SPTBN4: variants seen among roughly 807,000 people sequenced by gnomAD.
The protein encoded by SPTBN4 is spectrin beta, non-erythrocytic 4.
SPTBN4 carries 96 observed loss-of-function variants against 277.8 expected under a neutral mutation model. That is an observed-to-expected ratio of 0.35 (90% confidence interval 0.29 to 0.41). The LOEUF is 0.41. Among genes scored for constraint, SPTBN4 ranks in the 10% least tolerant of loss-of-function variants. The pLI, the probability that SPTBN4 is intolerant of heterozygous loss-of-function variation, is 1.00. For missense variants in SPTBN4, 3,006 were observed against 3,595.7 expected (o/e 0.84, Z 4.19); for synonymous variants, 1,481 against 1,580.3 (o/e 0.94, Z 1.49).
Position 40,506,217 on chromosome 19 carries a change from G to A in SPTBN4, c.1666-19G>A. On this transcript the variant is annotated intron_variant, in intron 12 of 35. Transcript: ENST00000598249. ...CAGGGCAGTGCCAGAGGTGTGCTCA[G>A]TGCTGTCCCCGCTTGTAGGCTCAGC... The A allele has an allele frequency of 6.2e-7, 1 of 1,603,128 alleles. No individual in the cohort carries two copies. Among genetic ancestry groups the A allele is most frequent in the Non-Finnish European group, 8.5e-7 (1 of 1,174,058 alleles).
In SPTBN4 at chr19:40,557,004, C is replaced by G. The variant is rs571213140; in HGVS notation, c.5290-19C>G. The G allele has an allele frequency of 2.3e-5, 35 of 1,528,194 alleles. No homozygotes were observed. In the East Asian group the frequency reaches 5.5e-4, roughly 24 times the overall value. 94.7% of individuals were successfully genotyped at this position (1,528,194 alleles called of 1,614,324 possible). A position where few individuals can be genotyped will look rare whatever the true frequency, so the allele number is the denominator to read the frequency against. On this transcript the variant is annotated intron_variant, in intron 25 of 35. Transcript: ENST00000598249. ...TTTGCTCACTTTGCTGTACCCCCCC[C>G]CCCACTTCCTGATGGCAGGTGCTGC...
chr19:40,514,795 G>A (rs2080435172), intron 14 of SPTBN4, among the ~76,000 whole-genome samples: 1 of 152,160 alleles, frequency 6.6e-6, no homozygotes. Flanking sequence ...TTGCTGCTGA[G>A]GAATCTCACA....
intron 22 of SPTBN4, among the ~76,000 whole-genome samples, chr19:40,550,748 G>A: frequency 6.6e-6 from 1 of 152,030 alleles, no homozygotes. Flanking sequence ...CGAACTCCTG[G>A]CCTCAAGTGA....
intron 17 of SPTBN4, among the ~76,000 whole-genome samples, chr19:40,526,878 C>A (rs960894499): frequency 2.0e-5 from 3 of 152,200 alleles, no homozygotes; most frequent in African/African-American, 4.8e-5. Context: ...CGTGAGCCAT[C>A]GTGCCCGGCC....
At chr19:40,561,378 G>A (rs546560083) in intron 27 of SPTBN4, among the ~76,000 whole-genome samples, 1 of 152,262 alleles carries the variant, frequency 6.6e-6, no homozygotes, top group South Asian at 2.1e-4. Context: ...AGGGACACCT[G>A]GCATTGCTTC....
At chr19:40,565,894 G>T (rs1256443040) in intron 29 of SPTBN4, 149 bp downstream of exon 29, 25 of 957,166 alleles carry the variant, frequency 2.6e-5, no homozygotes, top group Non-Finnish European at 3.7e-5. Flanking sequence ...GGGTGGACAA[G>T]GGGGCTGCCT....
rs763331369 is a variant in SPTBN4 at position 40,568,294 on chromosome 19, G to A, written c.6956+12G>A. 1 of 1,591,480 alleles carries A rather than the reference G, an allele frequency of 6.3e-7. No individual in the cohort carries two copies. Among genetic ancestry groups the A allele is most frequent in the Non-Finnish European group, 8.6e-7 (1 of 1,169,110 alleles). ...GACCTGGTCAAGGGGTGAGGTGCCC[G>A]CCTTATGACCAGAAAGTGAGGGGAG... On this transcript the variant is annotated intron_variant, in intron 31 of 35. Coordinates refer to ENST00000598249, the MANE Select transcript of SPTBN4 (RefSeq NM_020971.3).
chr19:40,533,648 C>G (rs998135956), intron 19 of SPTBN4, among the ~76,000 whole-genome samples: 1 of 152,192 alleles, frequency 6.6e-6, no homozygotes, highest in African/African-American at 2.4e-5. Flanking sequence ...CTCTCCCTGC[C>G]TCTCTGGCTC....
intron 30 of SPTBN4, among the ~76,000 whole-genome samples, chr19:40,567,347 T>C (rs973225803): frequency 7.3e-6 from 1 of 137,286 alleles, no homozygotes; most frequent in Non-Finnish European, 1.6e-5. Context: ...ATAAATAAAG[T>C]CTTAAAGTCC....
chr19:40,513,158 G>A lies in SPTBN4; in HGVS notation c.2369G>A (p.Arg790His), dbSNP rs2080413090. 2.0e-6 allele frequency: 3 copies of A among 1,499,494 alleles called. No individual in the cohort carries two copies. The African/African-American group carries it at 4.4e-5, about 22-fold the overall frequency. The allele number at this position is 1,499,494 out of a possible 1,614,324, so 92.9% of individuals were successfully genotyped here. Residue 790 changes from arginine to histidine, a missense_variant, in exon 14 of 36, where the codon CGC becomes CAC. Arg to His is a conservative substitution (Grantham distance 29). Coordinates refer to ENST00000598249, the MANE Select transcript of SPTBN4 (RefSeq NM_020971.3). ...CTCGACGGGCTGCTGGACTGGCTTC[G>A]CGACGCTTACCGCCTGGCAGCCGCC... ...ADLDGLLDWLRDAYRLAAAGD... is the reference protein window; with the variant it reads ...ADLDGLLDWLHDAYRLAAAGD...
At chr19:40,573,297 G>C (rs2081171209) in intron 35 of SPTBN4, among the ~76,000 whole-genome samples, 1 of 152,100 alleles carries the variant, frequency 6.6e-6, no homozygotes. Flanking sequence ...GGGTGACAGA[G>C]TGAGATTCTG....
At position 40,513,193 on chromosome 19, in the gene SPTBN4, G is replaced by C; in HGVS notation, c.2404G>C (p.Gly802Arg). 6.6e-7 allele frequency: 1 copy of C among 1,504,552 alleles called. No individual in the cohort carries two copies. The highest frequency in any genetic ancestry group is 8.8e-7 in the Non-Finnish European group (1 of 1,135,096). 93.2% of individuals were successfully genotyped at this position (1,504,552 alleles called of 1,614,324 possible). A position where few individuals can be genotyped will look rare whatever the true frequency, so the allele number is the denominator to read the frequency against. Residue 802 changes from glycine to arginine, a missense_variant, in exon 14 of 36, where the codon GGC becomes CGC. Gly to Arg is a moderately radical substitution (Grantham distance 125). Coordinates refer to ENST00000598249, the MANE Select transcript of SPTBN4 (RefSeq NM_020971.3). ...AYRLAAAGDF[G>R]HDEASSRRLA... Reference sequence around the variant, plus strand: ...CCGCCTGGCAGCCGCCGGTGACTTCGGCCACGACGAAGCTTCCAGCCGCCG... The same window carrying C: ...CCGCCTGGCAGCCGCCGGTGACTTCCGCCACGACGAAGCTTCCAGCCGCCG...
chr19:40,547,838 T>C (rs1221612143), intron 20 of SPTBN4, among the ~76,000 whole-genome samples: 1 of 152,200 alleles, frequency 6.6e-6, no homozygotes, highest in East Asian at 1.9e-4. Flanking sequence ...TTTTATGTGA[T>C]CAAATTATAA....
chr19:40,477,549 G>A (rs2079963097), intron 2 of SPTBN4, among the ~76,000 whole-genome samples: 2 of 152,142 alleles, frequency 1.3e-5, no homozygotes, highest in African/African-American at 4.8e-5. Context: ...AGAGGTTGGG[G>A]CTGTTGACAG....
chr19:40,519,857 C>G lies in SPTBN4; in HGVS notation c.3360C>G (p.Asn1120Lys). Residue 1120 changes from asparagine to lysine, a missense_variant, in exon 16 of 36, where the codon AAC (asparagine) becomes AAG (lysine). Transcript: ENST00000598249. This position sits in a 1 kb window ranked among gnomAD's most constrained non-coding sequence, Gnocchi z 5.7. ...AAGGSEGPLP[N>K]SLEEADALLA... ...GCGGCAGCGAGGGGCCCCTGCCCAA[C>G]AGCCTAGAAGAGGCGGACGCGCTGC... The G allele has an allele frequency of 6.8e-7, 1 of 1,464,468 alleles. No homozygotes were observed. Among genetic ancestry groups the G allele is most frequent in the Non-Finnish European group, 8.9e-7 (1 of 1,120,780 alleles). The allele number at this position is 1,464,468 out of a possible 1,614,324, so 90.7% of individuals were successfully genotyped here. A position where few individuals can be genotyped will look rare whatever the true frequency, so the allele number is the denominator to read the frequency against.
intron 32 of SPTBN4, 61 bp from the exon 33 acceptor site, chr19:40,570,375 A>C: frequency 1.6e-6 from 2 of 1,255,286 alleles, no homozygotes; most frequent in Non-Finnish European, 1.1e-6. Flanking sequence ...GACTCCCCCA[A>C]ACAGATGACC....
At chr19:40,507,330 A>T (rs1054986108) in intron 13 of SPTBN4, among the ~76,000 whole-genome samples, 1 of 147,696 alleles carries the variant, frequency 6.8e-6, no homozygotes, top group Non-Finnish European at 1.5e-5. Flanking sequence ...AAAATAAAAT[A>T]AAAAAAAAAA....
intron 16 of SPTBN4, 49 bp downstream of exon 16, chr19:40,520,200 G>A: frequency 7.4e-7 from 1 of 1,347,618 alleles, no homozygotes; most frequent in Non-Finnish European, 9.5e-7. Context: ...CGAGGCCGCG[G>A]GGGGATTGCA....
At chr19:40,489,230 A>AAAGAAAGAT (rs1290555485) in intron 3 of SPTBN4, among the ~76,000 whole-genome samples, 1 of 150,322 alleles carries the variant, frequency 6.7e-6, no homozygotes, top group Non-Finnish European at 1.5e-5. Context: ...AAAAAAAAAA[A>AAAGAAAGAT]AGAAAGAAAA....
Sources: gnomAD v4.1 joint callset for allele counts (sites outside exome capture counted in the v4.1 genomes callset) on GRCh38, gnomAD v4.1.1 for gene constraint, Gnocchi (gnomAD v3.1) non-coding constraint, MANE v1.5 for transcripts, NCBI Gene and HGNC (gene_info 2026-07-23, HGNC 2026-07-21) for gene names.